The following TCEANC2 variants were observed in gnomAD, a reference collection of about 807,000 sequenced individuals.
The protein encoded by TCEANC2 is transcription elongation factor A N-terminal and central domain-containing protein 2.
TCEANC2 carries 20 observed loss-of-function variants against 22.8 expected under a neutral mutation model. That is an observed-to-expected ratio of 0.88 (90% CI 0.62 to 1.28). TCEANC2 has a LOEUF of 1.28. Ranked by LOEUF, TCEANC2 falls within the 50% of genes most tolerant of loss-of-function variation. The pLI, the probability that TCEANC2 is intolerant of heterozygous loss-of-function variation, is 0.00. For missense variants in TCEANC2, 251 were observed against 249.7 expected, an observed-to-expected ratio of 1.01 and a Z score of -0.03; for synonymous variants, 84 against 95.5, an observed-to-expected ratio of 0.88 and a Z score of 0.70.
At position 54,105,351 on chromosome 1, in the gene TCEANC2, G is replaced by A. The variant is rs1017135906; in HGVS notation, c.*8878G>A. The A allele has an allele frequency of 1.3e-5, 2 of 152,166 alleles. No individual in the cohort carries two copies. The highest frequency in any genetic ancestry group is 4.8e-5 in the African/African-American group (2 of 41,402). The allele number at this position is 152,166 out of a possible 1,614,324, so 9.4% of individuals were successfully genotyped here. A position where few individuals can be genotyped will look rare whatever the true frequency, so the allele number is the denominator to read the frequency against. The stretch of plus-strand genomic sequence containing the variant: ...CCTTTCCCAGGCAGGTCAGTTCAAG[G>A]TTATGAAGGCCTGGCCCCACTGCCT... On this transcript the variant is annotated 3_prime_UTR_variant, in exon 5 of 5. Coordinates refer to ENST00000234827, the MANE Select transcript of TCEANC2 (RefSeq NM_153035.3).
intron 4 of TCEANC2, among the ~76,000 whole-genome samples, chr1:54,091,625 T>A (rs1658449287): frequency 6.6e-6 from 1 of 152,218 alleles, no homozygotes; most frequent in Non-Finnish European, 1.5e-5. Context: ...ACCCTACAGA[T>A]CTTGCTTTCT....
chr1:54,070,166 AAT>A (rs955794135), intron 3 of TCEANC2, among the ~76,000 whole-genome samples: 10 of 152,180 alleles, frequency 6.6e-5, no homozygotes, highest in Admixed American at 5.9e-4. Context: ...ATGCTTTAAG[AAT>A]ATAAGACCCT....
At position 54,091,587 on chromosome 1, in the gene TCEANC2, G is replaced by A. The variant is rs138204682; in HGVS notation, c.438+2797G>A. ...AAAGCCATAGATGAAGAATAATAAC[G>A]CACAGCCTAAAGGTGCATCTCTTTA... On this transcript the variant is annotated intron_variant, in intron 4 of 4. Transcript: ENST00000234827. 1.4e-4 allele frequency among the ~76,000 whole-genome samples: 21 copies of A among 152,104 alleles called. No homozygotes were observed. The East Asian group carries it at 2.9e-3, about 21-fold the overall frequency.
rs1419483027 is a variant in TCEANC2 at position 54,100,801 on chromosome 1, AAGTTTTTGAGG to A, written c.*4331_*4341del. 1 of 152,236 alleles carries A rather than the reference AAGTTTTTGAGG, an allele frequency of 6.6e-6. No homozygotes were observed. Among genetic ancestry groups the A allele is most frequent in the East Asian group, 1.9e-4 (1 of 5,202 alleles). The allele number at this position is 152,236 out of a possible 1,614,324, so 9.4% of individuals were successfully genotyped here. A position where few individuals can be genotyped will look rare whatever the true frequency, so the allele number is the denominator to read the frequency against. ...CCTTCAGATAATGGGATACCATGGGAAGTTTTTGAGGAGGTGAGGGACCTAATCAGATGTGT... is the reference window on the plus strand; with the variant it reads ...CCTTCAGATAATGGGATACCATGGGAAGGTGAGGGACCTAATCAGATGTGT... On this transcript the variant is annotated 3_prime_UTR_variant, in exon 5 of 5. Coordinates refer to ENST00000234827, the MANE Select transcript of TCEANC2 (RefSeq NM_153035.3).
chr1:54,085,930 C>T (rs371497183), intron 3 of TCEANC2, among the ~76,000 whole-genome samples: 7 of 151,854 alleles, frequency 4.6e-5, no homozygotes, highest in South Asian at 2.1e-4. Flanking sequence ...GATAGAGACT[C>T]ATTATGTTGC....
At chr1:54,080,269 G>A (rs1300525055) in intron 3 of TCEANC2, among the ~76,000 whole-genome samples, 7 of 151,442 alleles carry the variant, frequency 4.6e-5, no homozygotes, top group African/African-American at 1.2e-4. Context: ...TCAGCCTCCC[G>A]ATTAGCTGGG....
Position 54,102,172 on chromosome 1 carries a change from T to C in TCEANC2, c.*5699T>C, listed in dbSNP as rs894029118. The C allele has an allele frequency of 3.3e-5, 5 of 152,186 alleles. No individual in the cohort carries two copies. Among genetic ancestry groups the C allele is most frequent in the African/African-American group, 1.2e-4 (5 of 41,434 alleles). The allele number at this position is 152,186 out of a possible 1,614,324, so 9.4% of individuals were successfully genotyped here. A position where few individuals can be genotyped will look rare whatever the true frequency, so the allele number is the denominator to read the frequency against. On this transcript the variant is annotated 3_prime_UTR_variant, in exon 5 of 5. Coordinates refer to ENST00000234827, the MANE Select transcript of TCEANC2 (RefSeq NM_153035.3). ...GATGACACAGAAAGTTGTGTTTTGATTGGGGCCCAGAGCAGGAAAGGGCTC... is the reference window on the plus strand; with the variant it reads ...GATGACACAGAAAGTTGTGTTTTGACTGGGGCCCAGAGCAGGAAAGGGCTC...
Position 54,068,789 on chromosome 1 carries a change from A to G in TCEANC2, c.136A>G (p.Lys46Glu). The G allele has an allele frequency of 6.2e-7, 1 of 1,608,664 alleles. No homozygotes were observed. The highest frequency in any genetic ancestry group is 8.5e-7 in the Non-Finnish European group (1 of 1,178,526). ...VVVVEDIKRW[K>E]TMLELPDQTK... ...GGTTGTAGAAGACATAAAAAGATGG[A>G]AAACTATGCTGGAGCTTCCTGATCA... The change falls in exon 3 of 5, where the codon AAA becomes GAA. Residue 46 changes from lysine to glutamate, a missense_variant. By Grantham distance (56) the Lys-to-Glu change is moderately conservative (BLOSUM62 1). Coordinates refer to ENST00000234827, the MANE Select transcript of TCEANC2 (RefSeq NM_153035.3).
intron 1 of TCEANC2, chr1:54,054,032 T>C (rs542509251): frequency 1.9e-5 from 5 of 263,438 alleles, no homozygotes; most frequent in Non-Finnish European, 2.8e-5. Context: ...CTGAGCCTAA[T>C]GTAATCCTAA....
In TCEANC2 at chr1:54,103,027, AC is replaced by A. The variant is rs1261815274; in HGVS notation, c.*6556del. 1.3e-5 allele frequency: 2 copies of A among 152,366 alleles called. No homozygotes were observed. Among genetic ancestry groups the A allele is most frequent in the Non-Finnish European group, 2.9e-5 (2 of 68,154 alleles). The allele number at this position is 152,366 out of a possible 1,614,324, so 9.4% of individuals were successfully genotyped here. A position where few individuals can be genotyped will look rare whatever the true frequency, so the allele number is the denominator to read the frequency against. On this transcript the variant is annotated 3_prime_UTR_variant, in exon 5 of 5. Coordinates refer to ENST00000234827, the MANE Select transcript of TCEANC2 (RefSeq NM_153035.3). ...AGATTGGAAAATTGGAAACAAGGAG[AC>A]CTGTGGTGGAGGCATGTAGTTGGAC...
rs1658724472 is a variant in TCEANC2, at chr1:54,104,920, C to G, written c.*8447C>G. ...CAGGATATGCTGACTTCAGGCTCAG[C>G]CCCCTCAGGGCTGAGGGTCTAAATC... On this transcript the variant is annotated 3_prime_UTR_variant, in exon 5 of 5. Coordinates refer to ENST00000234827, the MANE Select transcript of TCEANC2 (RefSeq NM_153035.3). 4 of 238,320 alleles carry G rather than the reference C, an allele frequency of 1.7e-5. No homozygotes were observed. In the South Asian group the frequency reaches 2.1e-4, roughly 12 times the overall value. 14.8% of individuals were successfully genotyped at this position (238,320 alleles called of 1,614,324 possible). A position where few individuals can be genotyped will look rare whatever the true frequency, so the allele number is the denominator to read the frequency against.
At chr1:54,062,780 A>G (rs1351946165) in intron 2 of TCEANC2, among the ~76,000 whole-genome samples, 2 of 152,242 alleles carry the variant, frequency 1.3e-5, no homozygotes, top group Non-Finnish European at 2.9e-5. Flanking sequence ...AGGCAAAGGT[A>G]TGAAATTCAA....
chr1:54,065,548 C>T lies in TCEANC2; in HGVS notation c.103-3208C>T, dbSNP rs183209904. 4.7e-4 allele frequency among the ~76,000 whole-genome samples: 71 copies of T among 151,708 alleles called. No homozygotes were observed. In the East Asian group the frequency reaches 8.0e-3, roughly 17 times the overall value. ...GCCTGGGCAACATAGTGAGACCCCA[C>T]ATCTACAAAAAAAATTTAAAAATCA... On this transcript the variant is annotated intron_variant, in intron 2 of 4. Coordinates refer to ENST00000234827, the MANE Select transcript of TCEANC2 (RefSeq NM_153035.3).
intron 4 of TCEANC2, among the ~76,000 whole-genome samples, chr1:54,089,398 A>G (rs12139123): frequency 7.7e-4 from 117 of 152,190 alleles, no homozygotes; most frequent in Non-Finnish European, 1.5e-3. Flanking sequence ...CATAAAATCA[A>G]TTGGATAGAC....
At chr1:54,108,520 G>A (rs920749976), downstream of TCEANC2, among the ~76,000 whole-genome samples, 1 of 152,176 alleles carries the variant, frequency 6.6e-6, no homozygotes, top group Non-Finnish European at 1.5e-5. Context: ...TACAAGCCAA[G>A]GAGAGAGGCC....
Position 54,096,336 on chromosome 1 carries a change from T to C in TCEANC2, c.490T>C (p.Ser164Pro). ...NIERETFHLC[S>P]RLINGPYRRT... ...TGAACGGGAAACGTTTCATCTCTGCTCCCGCCTCATTAATGGGCCGTACCG... is the reference window on the plus strand; with the variant it reads ...TGAACGGGAAACGTTTCATCTCTGCCCCCGCCTCATTAATGGGCCGTACCG... The change falls in exon 5 of 5, where the codon TCC becomes CCC. Residue 164 changes from serine to proline, a missense_variant. Ser to Pro is a moderately conservative substitution (Grantham distance 74, BLOSUM62 -1). Coordinates refer to ENST00000234827, the MANE Select transcript of TCEANC2 (RefSeq NM_153035.3). The surrounding 1 kb of genome is among the most constrained non-coding windows in gnomAD (Gnocchi z 4.9). 6.2e-7 allele frequency: 1 copy of C among 1,609,354 alleles called. No homozygotes were observed. Among genetic ancestry groups the C allele is most frequent in the Non-Finnish European group, 8.5e-7 (1 of 1,175,904 alleles).
At chr1:54,109,639 T>C (rs1392206937), downstream of TCEANC2, among the ~76,000 whole-genome samples, 2 of 152,200 alleles carry the variant, frequency 1.3e-5, no homozygotes, top group Non-Finnish European at 2.9e-5. Flanking sequence ...CTGTCTGATT[T>C]ATTTCTGTGT....
intron 2 of TCEANC2, among the ~76,000 whole-genome samples, chr1:54,060,863 A>G (rs1257852078): frequency 3.3e-5 from 5 of 150,942 alleles, no homozygotes; most frequent in Non-Finnish European, 5.9e-5. Context: ...AAGGAGAATC[A>G]CTTGGACCCG....
At position 54,099,897 on chromosome 1, in the gene TCEANC2, T is replaced by C. The variant is rs957230932; in HGVS notation, c.*3424T>C. On this transcript the variant is annotated 3_prime_UTR_variant, in exon 5 of 5. Transcript: ENST00000234827. ...GGGAAATGTGGGAAAGTAAATACCA[T>C]TTGTGTCTGCTCTAATAGCTTATTG... 4 of 152,146 alleles carry C rather than the reference T, an allele frequency of 2.6e-5. No homozygotes were observed. Among genetic ancestry groups the C allele is most frequent in the African/African-American group, 9.7e-5 (4 of 41,424 alleles). The allele number at this position is 152,146 out of a possible 1,614,324, so 9.4% of individuals were successfully genotyped here.
Sources: allele counts gnomAD v4.1 joint callset (sites outside exome capture counted in the v4.1 genomes callset), GRCh38; gene constraint gnomAD v4.1.1; non-coding constraint Gnocchi (gnomAD v3.1); transcripts MANE v1.5; gene names NCBI Gene and HGNC (gene_info 2026-07-23, HGNC 2026-07-21).